ATP6V1E1: variants seen among roughly 807,000 people sequenced by gnomAD.
ATP6V1E1 encodes the protein V-type proton ATPase subunit E 1.
In ATP6V1E1, 21 loss-of-function variants were observed where a neutral mutation model predicts 35.2. That is an observed-to-expected ratio of 0.60 (90% CI 0.42 to 0.86). ATP6V1E1 has a LOEUF of 0.86. Among genes scored for constraint, ATP6V1E1 ranks in the 40% least tolerant of loss-of-function variants. The probability of loss-of-function intolerance (pLI) is 0.00; values close to 1 mark genes in which losing one functional copy is unlikely to be tolerated. For synonymous variants in ATP6V1E1, 83 were observed against 87.8 expected (o/e 0.95, Z 0.30); for missense variants, 183 against 272.6 (o/e 0.67, Z 2.32).
At chr22:17,605,810 A>G (rs1213994542) in intron 4 of ATP6V1E1, among the ~76,000 whole-genome samples, 2 of 147,590 alleles carry the variant, frequency 1.4e-5, no homozygotes, top group Non-Finnish European at 3.0e-5. Flanking sequence ...CTGGGACACC[A>G]CCACGCCTGG....
intron 1 of ATP6V1E1, among the ~76,000 whole-genome samples, chr22:17,625,536 C>T (rs1004412729): frequency 1.3e-5 from 2 of 152,146 alleles, no homozygotes; most frequent in African/African-American, 4.8e-5. Context: ...CCGCCTCGGC[C>T]TCCCAAAGTG....
In ATP6V1E1 at chr22:17,592,502, A is replaced by G; in HGVS notation, c.*172T>C. 1.4e-6 allele frequency: 1 copy of G among 695,740 alleles called. No individual in the cohort carries two copies. Among genetic ancestry groups the G allele is most frequent in the Non-Finnish European group, 2.5e-6 (1 of 408,068 alleles). 43.1% of individuals were successfully genotyped at this position (695,740 alleles called of 1,614,324 possible). On this transcript the variant is annotated 3_prime_UTR_variant, in exon 9 of 9. Coordinates refer to ENST00000253413, the MANE Select transcript of ATP6V1E1 (RefSeq NM_001696.4). ...CTGATCATATTACATGAAGCTTTCC[A>G]CCATTGTGAACAATTAGGCAAGGCA... is the stretch of plus-strand genomic sequence containing the variant.
At chr22:17,617,572 G>A (rs2057853065) in intron 2 of ATP6V1E1, among the ~76,000 whole-genome samples, 1 of 152,050 alleles carries the variant, frequency 6.6e-6, no homozygotes, top group South Asian at 2.1e-4. Context: ...GGGATTACAG[G>A]TGTGAGCCAC....
chr22:17,614,211 G>A (rs1016445070), intron 2 of ATP6V1E1, among the ~76,000 whole-genome samples: 1 of 151,962 alleles, frequency 6.6e-6, no homozygotes, highest in African/African-American at 2.4e-5. Flanking sequence ...CTGGCCAGGC[G>A]TGGCGGCGCA....
chr22:17,606,345 C>A (rs142492323), intron 4 of ATP6V1E1, among the ~76,000 whole-genome samples: 1 of 150,444 alleles, frequency 6.6e-6, no homozygotes, highest in Non-Finnish European at 1.5e-5. Context: ...ATAGCAAAAT[C>A]CACTCAAAGC....
At chr22:17,598,859 C>T (rs971410655) in intron 6 of ATP6V1E1, among the ~76,000 whole-genome samples, 2 of 152,156 alleles carry the variant, frequency 1.3e-5, no homozygotes, top group East Asian at 1.9e-4. Context: ...GACAGATATC[C>T]GTATACCCAT....
Position 17,601,160 on chromosome 22 carries a change from GT to G in ATP6V1E1, c.297del (p.Lys99AsnfsTer8), listed in dbSNP as rs1260448566. 1.2e-6 allele frequency: 2 copies of G among 1,613,618 alleles called. No individual in the cohort carries two copies. Among genetic ancestry groups the G allele is most frequent in the Admixed American group, 1.7e-5 (1 of 59,978 alleles). On this transcript the variant is annotated frameshift_variant, in exon 5 of 9. Coordinates refer to ENST00000253413, the MANE Select transcript of ATP6V1E1 (RefSeq NM_001696.4). LOFTEE classifies it high-confidence loss of function. ...TCTTTTACCACCTTGCTGAGTCTCT[GT>G]TTTGCTTCATTTAGTAGGTCCTACA... ...DLITDLLNEAKQRLSKVVKDT... is the reference protein window; with the variant it reads ...DLITDLLNEAXQRLSKVVKDT...
chr22:17,619,425 C>CT, intron 2 of ATP6V1E1, 36 bp downstream of exon 2: 1 of 1,553,640 alleles, frequency 6.4e-7, no homozygotes, highest in East Asian at 2.3e-5. Flanking sequence ...ATATGGAAAC[C>CT]TTGATAACTT....
chr22:17,612,735 A>C (rs2057821404), intron 4 of ATP6V1E1, 77 bp downstream of exon 4: 3 of 1,132,354 alleles, frequency 2.6e-6, no homozygotes, highest in Non-Finnish European at 3.8e-6. Context: ...TCCTTAATTA[A>C]TGTTAACTAG....
intron 6 of ATP6V1E1, 65 bp downstream of exon 6, chr22:17,599,962 A>T: frequency 7.6e-6 from 8 of 1,059,022 alleles, no homozygotes; most frequent in Non-Finnish European, 1.1e-5. Context: ...GAAAAGAAAG[A>T]GAGAGGGGAA....
chr22:17,592,741 GGAGA>G lies in ATP6V1E1; in HGVS notation c.619-9_619-6del, dbSNP rs779774987. The G allele has an allele frequency of 7.4e-6, 12 of 1,613,036 alleles. No homozygotes were observed. The South Asian group carries it at 9.9e-5, about 13-fold the overall frequency. Reference sequence around the variant, plus strand: ...TCCCCGGACTTCTGGCATCATCTGTGGAGAGAAAGTGTAATAAATACGCAATGTC... The same window carrying G: ...TCCCCGGACTTCTGGCATCATCTGTGGAAAGTGTAATAAATACGCAATGTC... On this transcript the variant is annotated splice_polypyrimidine_tract_variant and splice_region_variant and intron_variant, in intron 8 of 8. Transcript: ENST00000253413.
intron 8 of ATP6V1E1, among the ~76,000 whole-genome samples, chr22:17,593,047 C>T (rs1055309090): frequency 6.6e-6 from 1 of 152,164 alleles, no homozygotes; most frequent in Non-Finnish European, 1.5e-5. Flanking sequence ...CTCGGCCTCC[C>T]ACAGTGCTGG....
At chr22:17,611,123 C>CAT (rs35977449) in intron 4 of ATP6V1E1, among the ~76,000 whole-genome samples, 53,399 of 151,950 alleles carry the variant, frequency 0.35, 9,746 homozygotes, top group African/African-American at 0.42. Context: ...TTCCCTAAGA[C>CAT]ATTATTATTG....
At chr22:17,605,202 T>G (rs2057779997) in intron 4 of ATP6V1E1, among the ~76,000 whole-genome samples, 1 of 75,754 alleles carries the variant, frequency 1.3e-5, no homozygotes, top group African/African-American at 7.8e-5. Flanking sequence ...TGAGACTTCA[T>G]CTCAAAAAAA....
At chr22:17,603,547 C>T (rs1601378410) in intron 4 of ATP6V1E1, among the ~76,000 whole-genome samples, 3 of 152,010 alleles carry the variant, frequency 2.0e-5, no homozygotes, top group South Asian at 4.1e-4. Context: ...TGTGCAGTGG[C>T]TCACACCTCT....
intron 1 of ATP6V1E1, among the ~76,000 whole-genome samples, chr22:17,623,116 A>G (rs1259451365): frequency 6.6e-6 from 1 of 152,120 alleles, no homozygotes; most frequent in African/African-American, 2.4e-5. Flanking sequence ...GTGGATTCCA[A>G]CTTCTGTGGC....
At chr22:17,601,749 G>C (rs997187289) in intron 4 of ATP6V1E1, among the ~76,000 whole-genome samples, 1 of 152,172 alleles carries the variant, frequency 6.6e-6, no homozygotes, top group Non-Finnish European at 1.5e-5. Flanking sequence ...TGAGACTACA[G>C]GCGCCCACCA....
intron 1 of ATP6V1E1, among the ~76,000 whole-genome samples, chr22:17,626,781 C>T (rs755736335): frequency 1.3e-5 from 2 of 152,096 alleles, no homozygotes; most frequent in Non-Finnish European, 2.9e-5. Flanking sequence ...ATGCCCACCT[C>T]GGCCTTCCAA....
At chr22:17,617,655 A>G (rs2057853530) in intron 2 of ATP6V1E1, among the ~76,000 whole-genome samples, 1 of 152,144 alleles carries the variant, frequency 6.6e-6, no homozygotes, top group Non-Finnish European at 1.5e-5. Context: ...TACCTTGGGA[A>G]AAGAACATTT....
Sources: allele counts gnomAD v4.1 joint callset (sites outside exome capture counted in the v4.1 genomes callset), GRCh38; gene constraint gnomAD v4.1.1; transcripts MANE v1.5; gene names NCBI Gene and HGNC (gene_info 2026-07-23, HGNC 2026-07-21).